Variants in HMCN2 observed in about 807,000 individuals in gnomAD.
The protein encoded by HMCN2 is hemicentin-2.
In HMCN2, 325 loss-of-function variants were observed where a neutral mutation model predicts 377.5. The ratio of observed to expected loss-of-function variants is 0.86; its 90% CI spans 0.79 to 0.94. HMCN2 has a LOEUF of 0.94. HMCN2 is among the 40% of genes least tolerant of loss of function. The pLI is 0.00. For synonymous variants in HMCN2, 2,007 were observed against 2,046.8 expected (o/e 0.98, Z 0.53); for missense variants, 4,543 against 4,725.3 (o/e 0.96, Z 1.13).
At chr9:130,397,959 G>A (rs1451960735) in intron 74 of HMCN2, among the ~76,000 whole-genome samples, 1 of 150,982 alleles carries the variant, frequency 6.6e-6, no homozygotes, top group African/African-American at 2.4e-5. Context: ...ACCAACCTGG[G>A]CAACATAGTG....
intron 93 of HMCN2, 71 bp from the exon 94 acceptor site, chr9:130,429,486 G>T: frequency 1.3e-6 from 2 of 1,533,528 alleles, no homozygotes; most frequent in South Asian, 1.2e-5. Flanking sequence ...TATGGAGGGG[G>T]ATGGTCCGTC....
chr9:130,425,833 G>A lies in HMCN2; in HGVS notation c.13788G>A (p.Leu4596=), dbSNP rs1474749831. The change falls in exon 90 of 98, where the codon CTG becomes CTA. Residue 4596 remains leucine, a synonymous_variant. Transcript: ENST00000683500. Reference sequence around the variant, plus strand: ...CGGCCCGGGGCCCCCAGCCCCAGCTGGTGCAGCACCTGCGGGCCTCAGCTA... The same window carrying A: ...CGGCCCGGGGCCCCCAGCCCCAGCTAGTGCAGCACCTGCGGGCCTCAGCTA... ...YNAARGPQPQ[L]VQHLRASAIS... 3 of 1,550,482 alleles carry A rather than the reference G, an allele frequency of 1.9e-6. No individual in the cohort carries two copies. In the South Asian group the frequency reaches 3.6e-5, roughly 18 times the overall value.
rs1443160769 is a variant in HMCN2 at position 130,422,291 on chromosome 9, G to C, written c.13232-286G>C. ...TTACAGGTGAGCCAACTCAGGTGTGGCTTGGGGGCCTGAGGTGGCCAGGTT... is the reference window on the plus strand; with the variant it reads ...TTACAGGTGAGCCAACTCAGGTGTGCCTTGGGGGCCTGAGGTGGCCAGGTT... On this transcript the variant is annotated intron_variant, in intron 86 of 97. Coordinates refer to ENST00000683500, the MANE Select transcript of HMCN2 (RefSeq NM_001291815.2). This position sits in a 1 kb window ranked among gnomAD's most constrained non-coding sequence, Gnocchi z 4.2. Among the ~76,000 whole-genome samples the C allele has an allele frequency of 2.0e-5, 3 of 152,220 alleles. No individual in the cohort carries two copies. The highest frequency in any genetic ancestry group is 7.2e-5 in the African/African-American group (3 of 41,458).
Position 130,304,298 on chromosome 9 carries a change from C to G in HMCN2, c.1544-432C>G, listed in dbSNP as rs1817259800. Among the ~76,000 whole-genome samples the G allele has an allele frequency of 6.6e-6, 1 of 152,162 alleles. No homozygotes were observed. Among genetic ancestry groups the G allele is most frequent in the African/African-American group, 2.4e-5 (1 of 41,422 alleles). Reference sequence around the variant, plus strand: ...TAGCAGTTTGCTTAGCGCTTTCCTCCTTGGGGGCATATTTGGCTGCTATAA... The same window carrying G: ...TAGCAGTTTGCTTAGCGCTTTCCTCGTTGGGGGCATATTTGGCTGCTATAA... On this transcript the variant is annotated intron_variant, in intron 10 of 97. Transcript: ENST00000683500. The surrounding 1 kb of genome is among the most constrained non-coding windows in gnomAD (Gnocchi z 4.3).
chr9:130,348,033 C>T (rs546100772), intron 26 of HMCN2: 56 of 985,368 alleles, frequency 5.7e-5, no homozygotes, highest in South Asian at 3.8e-4. Flanking sequence ...CTCCTTAACA[C>T]GGGCAGTGTG....
In HMCN2 at chr9:130,349,601, G is replaced by A. The variant is rs1449344221; in HGVS notation, c.4368G>A (p.Val1456=). 1.5e-6 allele frequency: 2 copies of A among 1,304,008 alleles called. No homozygotes were observed. The highest frequency in any genetic ancestry group is 2.3e-5 in the Admixed American group (1 of 43,538). The allele number at this position is 1,304,008 out of a possible 1,614,324, so 80.8% of individuals were successfully genotyped here. The part of the protein sequence containing the change: ...QEVLGLAGAD[V]ELQCWTSGVP... ...TGCTAGGATTGGCCGGTGCAGACGT[G>A]GAGCTGCAGTGTTGGACCTCAGGGG... is the stretch of plus-strand genomic sequence containing the variant. Residue 1456 remains valine, a synonymous_variant, in exon 29 of 98, where the codon GTG becomes GTA. Transcript: ENST00000683500.
rs201172679 is a variant in HMCN2, at chr9:130,432,443, G to A, written c.14782G>A (p.Glu4928Lys). 288 of 1,551,048 alleles carry A rather than the reference G, an allele frequency of 1.9e-4. No homozygotes were observed. In the African/African-American group the frequency reaches 3.0e-3, roughly 16 times the overall value. Residue 4928 changes from glutamate (E) to lysine (K), a missense_variant, in exon 97 of 98, where the codon GAG (glutamate) becomes AAG (lysine). This residue lies in a region of HMCN2 where 1,155 missense variants were observed against 1,157.7 expected (regional missense o/e 1.00). Transcript: ENST00000683500. ...TCCCCATCCAGACATCAACGAGTGC[G>A]AGGAGGAGAGCATCGAGTGTGGACC... ...GKNCQDINECEEESIECGPGQ... is the reference protein window; with the variant it reads ...GKNCQDINECKEESIECGPGQ...
chr9:130,268,392 G>A (rs956831030), intron 1 of HMCN2, among the ~76,000 whole-genome samples: 2 of 124,406 alleles, frequency 1.6e-5, no homozygotes, highest in Non-Finnish European at 4.0e-5. Flanking sequence ...CAGACGTCGG[G>A]GAGACTTCAG....
rs1842553283 is a variant in HMCN2, at chr9:130,395,270, C to A, written c.10834C>A (p.Gln3612Lys). Residue 3612 changes from glutamine (Q) to lysine (K), a missense_variant, in exon 71 of 98, where the codon CAG (glutamine) becomes AAG (lysine). Transcript: ENST00000683500. ...CTTTGTGGTCGGCCTGGCCCCAGGG[C>A]AGCTGGTCCTGGAGTGTTCGGTGGA... ...PRFVVGLAPG[Q>K]LVLECSVEAE... is the part of the protein sequence containing the mutation. The A allele has an allele frequency of 7.8e-7, 1 of 1,289,604 alleles. No individual in the cohort carries two copies. The allele number at this position is 1,289,604 out of a possible 1,614,324, so 79.9% of individuals were successfully genotyped here. A position where few individuals can be genotyped will look rare whatever the true frequency, so the allele number is the denominator to read the frequency against.
At chr9:130,333,051 C>T (rs1175626866) in intron 22 of HMCN2, among the ~76,000 whole-genome samples, 8 of 152,082 alleles carry the variant, frequency 5.3e-5, no homozygotes, top group Non-Finnish European at 7.4e-5. Flanking sequence ...AGCAGGGACC[C>T]GTGTCAATGA....
At chr9:130,300,236 A>T (rs528415095) in intron 8 of HMCN2, among the ~76,000 whole-genome samples, 94 of 152,120 alleles carry the variant, frequency 6.2e-4, no homozygotes, top group African/African-American at 2.3e-3. Context: ...CTATCTATCC[A>T]TCTATTTATC....
Position 130,362,444 on chromosome 9 carries a change from G to A in HMCN2, c.6108+279G>A, listed in dbSNP as rs192146536. Reference sequence around the variant, plus strand: ...GGTGAGATCAATGTTAATAATACACGTTAGTTAATCCAATATATCCAAAAT... The same window carrying A: ...GGTGAGATCAATGTTAATAATACACATTAGTTAATCCAATATATCCAAAAT... On this transcript the variant is annotated intron_variant, in intron 39 of 97. Coordinates refer to ENST00000683500, the MANE Select transcript of HMCN2 (RefSeq NM_001291815.2). Among the ~76,000 whole-genome samples, 5 of 152,354 alleles carry A rather than the reference G, an allele frequency of 3.3e-5. No homozygotes were observed. In the South Asian group the frequency reaches 6.2e-4, roughly 19 times the overall value.
chr9:130,360,457 G>C lies in HMCN2; in HGVS notation c.5803G>C (p.Val1935Leu). 7.7e-7 allele frequency: 1 copy of C among 1,302,292 alleles called. No homozygotes were observed. Among genetic ancestry groups the C allele is most frequent in the Non-Finnish European group, 1.0e-6 (1 of 988,150 alleles). The allele number at this position is 1,302,292 out of a possible 1,614,324, so 80.7% of individuals were successfully genotyped here. The change falls in exon 38 of 98, where the codon GTC becomes CTC. Residue 1935 changes from valine to leucine, a missense_variant. Transcript: ENST00000683500. This position sits in a 1 kb window ranked among gnomAD's most constrained non-coding sequence, Gnocchi z 4.7. ...DVSWFKGHQP[V>L]SSWMGVTVSV... ...CTCCTGGTTCAAGGGCCACCAACCT[G>C]TCTCTTCATGGATGGGAGTGACAGT...
At chr9:130,373,899 G>A (rs1463611683) in intron 48 of HMCN2, among the ~76,000 whole-genome samples, 1 of 151,688 alleles carries the variant, frequency 6.6e-6, no homozygotes, top group African/African-American at 2.4e-5. Flanking sequence ...TGGATGGATG[G>A]ATGGATGGAT....
chr9:130,382,686 T>G lies in HMCN2; in HGVS notation c.8553T>G (p.Pro2851=). 1 of 805,890 alleles carries G rather than the reference T, an allele frequency of 1.2e-6. No homozygotes were observed. Among genetic ancestry groups the G allele is most frequent in the South Asian group, 6.0e-5 (1 of 16,764 alleles). The allele number at this position is 805,890 out of a possible 1,614,324, so 49.9% of individuals were successfully genotyped here. The change falls in exon 56 of 98, where the codon CCT becomes CCG. Residue 2851 remains proline (P), a synonymous_variant. Transcript: ENST00000683500. ...CCTCTCCCCCACCCCCAGCCCCACCTGTGATCCTGGGTGACACAGAGGAGC... is the reference window on the plus strand; with the variant it reads ...CCTCTCCCCCACCCCCAGCCCCACCGGTGATCCTGGGTGACACAGAGGAGC... ...LHYELLVLTP[P]VILGDTEELV... is the part of the protein sequence containing the mutation.
chr9:130,370,622 C>T (rs867932861), intron 45 of HMCN2, among the ~76,000 whole-genome samples: 2 of 152,254 alleles, frequency 1.3e-5, no homozygotes, highest in African/African-American at 4.8e-5. Context: ...CATCTGGCTT[C>T]GCCTTTGCAC....
chr9:130,357,212 G>A (rs569695535), intron 34 of HMCN2, among the ~76,000 whole-genome samples: 44 of 148,384 alleles, frequency 3.0e-4, no homozygotes, highest in Admixed American at 2.7e-3. Flanking sequence ...ATGGAAGGGC[G>A]GGTAGATGGA....
chr9:130,432,344 A>C, intron 96 of HMCN2, 85 bp from the exon 97 acceptor site: 3 of 1,297,276 alleles, frequency 2.3e-6, no homozygotes, highest in Non-Finnish European at 3.3e-6. Context: ...GGTCCCCCAA[A>C]GGTACTTCTC....
At chr9:130,320,212 C>T (rs1837772210) in intron 16 of HMCN2, 144 bp from the exon 17 acceptor site, 2 of 152,546 alleles carry the variant, frequency 1.3e-5, no homozygotes, top group Admixed American at 1.3e-4. Context: ...CCTTCCCTCT[C>T]TACCATCCCA....
Sources: gnomAD v4.1 joint callset for allele counts (sites outside exome capture counted in the v4.1 genomes callset) on GRCh38, gnomAD v4.1.1 for gene constraint, gnomAD v4.1.1 regional missense constraint, Gnocchi (gnomAD v3.1) non-coding constraint, MANE v1.5 for transcripts, NCBI Gene and HGNC (gene_info 2026-07-23, HGNC 2026-07-21) for gene names.